SYNPO2: variants seen among roughly 807,000 people sequenced by gnomAD.
SYNPO2 encodes the protein synaptopodin-2.
A neutral mutation model predicts 85.0 loss-of-function variants in SYNPO2; 56 were observed. That is an observed-to-expected ratio of 0.66 (90% CI 0.53 to 0.82). SYNPO2 has a LOEUF of 0.82. SYNPO2 is among the 40% of genes least tolerant of loss of function. The probability of loss-of-function intolerance (pLI) is 0.00; values close to 1 mark genes in which losing one functional copy is unlikely to be tolerated. For missense variants in SYNPO2, 1,575 were observed against 1,534.2 expected, an observed-to-expected ratio of 1.03 and a Z score of -0.44; for synonymous variants, 602 against 591.1, an observed-to-expected ratio of 1.02 and a Z score of -0.27.
chr4:118,898,314 G>A (rs553592206), intron 1 of SYNPO2, among the ~76,000 whole-genome samples: 21 of 151,958 alleles, frequency 1.4e-4, no homozygotes, highest in Non-Finnish European at 2.2e-4. Context: ...CCACCACCTC[G>A]GCTCAGGTCC....
chr4:119,053,759 T>C (rs1739123906), intron 4 of SYNPO2, among the ~76,000 whole-genome samples: 1 of 152,200 alleles, frequency 6.6e-6, no homozygotes, highest in Non-Finnish European at 1.5e-5. Context: ...AAAAAATAAT[T>C]CCTCTCTTTC....
intron 1 of SYNPO2, among the ~76,000 whole-genome samples, chr4:118,929,707 G>T (rs933753804): frequency 1.3e-5 from 2 of 151,040 alleles, no homozygotes; most frequent in Admixed American, 6.6e-5. Flanking sequence ...GCTAATTATT[G>T]TGGAAAGTTC....
intron 1 of SYNPO2, among the ~76,000 whole-genome samples, chr4:119,004,688 C>T (rs1430302121): frequency 2.1e-5 from 3 of 143,480 alleles, no homozygotes; most frequent in South Asian, 2.5e-4. Flanking sequence ...AATAAACATA[C>T]ATGTGCATGT....
intron 1 of SYNPO2, among the ~76,000 whole-genome samples, chr4:119,021,128 T>A (rs527547554): frequency 6.6e-6 from 1 of 152,194 alleles, no homozygotes; most frequent in Non-Finnish European, 1.5e-5. Flanking sequence ...TTCTACAGAT[T>A]GTAATTTATG....
At chr4:118,901,726 T>C (rs547615845) in intron 1 of SYNPO2, among the ~76,000 whole-genome samples, 3 of 152,194 alleles carry the variant, frequency 2.0e-5, no homozygotes, top group Non-Finnish European at 4.4e-5. Flanking sequence ...AGAGAATGAA[T>C]TGACGAGAAA....
chr4:118,906,278 C>T (rs1351032593), intron 1 of SYNPO2, among the ~76,000 whole-genome samples: 5 of 151,876 alleles, frequency 3.3e-5, no homozygotes, highest in African/African-American at 9.7e-5. Flanking sequence ...ATATGTTGTA[C>T]ATGTGTGTGT....
intron 4 of SYNPO2, chr4:119,034,417 G>A: frequency 5.1e-6 from 5 of 983,954 alleles, no homozygotes; most frequent in Non-Finnish European, 6.0e-6. Context: ...TTTCCTGTTG[G>A]ACAGGTGGCA....
At chr4:118,972,508 T>G (rs1411206713) in intron 1 of SYNPO2, among the ~76,000 whole-genome samples, 1 of 152,170 alleles carries the variant, frequency 6.6e-6, no homozygotes, top group East Asian at 1.9e-4. Context: ...TTTCCCCAAA[T>G]AGGAAAATAA....
intron 1 of SYNPO2, among the ~76,000 whole-genome samples, chr4:118,994,675 G>A (rs17263022): frequency 0.37 from 56,437 of 151,998 alleles, 10,635 homozygotes; most frequent in African/African-American, 0.42. Context: ...TGCAATCCTA[G>A]TGACAGAGTA....
intron 2 of SYNPO2, among the ~76,000 whole-genome samples, chr4:119,024,556 T>C (rs1364690130): frequency 1.3e-5 from 2 of 152,210 alleles, no homozygotes; most frequent in Non-Finnish European, 2.9e-5. Context: ...AATCTAGCAT[T>C]ATTCTTATAA....
intron 1 of SYNPO2, among the ~76,000 whole-genome samples, chr4:118,999,565 C>T (rs1001694126): frequency 1.3e-5 from 2 of 152,158 alleles, no homozygotes; most frequent in Non-Finnish European, 2.9e-5. Context: ...CATACCACCG[C>T]ACCCAGCTAG....
At chr4:118,874,380 C>T (rs1307426917) in intron 1 of SYNPO2, among the ~76,000 whole-genome samples, 1 of 152,124 alleles carries the variant, frequency 6.6e-6, no homozygotes, top group Non-Finnish European at 1.5e-5. Flanking sequence ...AATCTAAAGA[C>T]TGTTGATTTT....
At chr4:118,960,849 T>C (rs1041865555) in intron 1 of SYNPO2, among the ~76,000 whole-genome samples, 3 of 152,144 alleles carry the variant, frequency 2.0e-5, no homozygotes, top group Non-Finnish European at 4.4e-5. Context: ...ACCCTCCGCC[T>C]AATTCCTAGA....
At chr4:118,911,860 CAT>C (rs1733150077) in intron 1 of SYNPO2, among the ~76,000 whole-genome samples, 2 of 152,094 alleles carry the variant, frequency 1.3e-5, no homozygotes, top group African/African-American at 4.8e-5. Context: ...ACAATGAACA[CAT>C]AGACTTATAC....
intron 1 of SYNPO2, among the ~76,000 whole-genome samples, chr4:118,959,928 T>A (rs1735015927): frequency 6.6e-6 from 1 of 152,188 alleles, no homozygotes; most frequent in Admixed American, 6.5e-5. Flanking sequence ...CCTTTGCAGA[T>A]GTAATTAATT....
At chr4:119,037,544 CA>C (rs1738569214) in intron 4 of SYNPO2, 5 of 993,084 alleles carry the variant, frequency 5.0e-6, no homozygotes, top group Non-Finnish European at 6.0e-6. Flanking sequence ...GGCCATGCAA[CA>C]ACCCAAAATC....
In SYNPO2 at chr4:119,029,914, C is replaced by T. The variant is rs987752485; in HGVS notation, c.1139C>T (p.Ala380Val). The T allele has an allele frequency of 5.0e-6, 8 of 1,612,186 alleles. No homozygotes were observed. The highest frequency in any genetic ancestry group is 2.2e-5 in the East Asian group (1 of 44,788). ...KEAKSKCKSI[A>V]LLLTDAPNPN... Reference sequence around the variant, plus strand: ...GCAAAATCTAAATGCAAAAGCATTGCCCTTCTTCTAACGGATGCTCCCAAC... The same window carrying T: ...GCAAAATCTAAATGCAAAAGCATTGTCCTTCTTCTAACGGATGCTCCCAAC... The change falls in exon 4 of 5, where the codon GCC (alanine) becomes GTC (valine). Residue 380 changes from alanine (A) to valine (V), a missense_variant. Coordinates refer to ENST00000307142, the MANE Select transcript of SYNPO2 (RefSeq NM_133477.3).
chr4:118,944,898 A>G (rs1349056034), intron 1 of SYNPO2, among the ~76,000 whole-genome samples: 1 of 152,170 alleles, frequency 6.6e-6, no homozygotes, highest in African/African-American at 2.4e-5. Context: ...GATAAGAGAG[A>G]GAATGGTGTG....
intron 1 of SYNPO2, among the ~76,000 whole-genome samples, chr4:118,967,566 C>T (rs1442657982): frequency 1.3e-5 from 2 of 152,224 alleles, no homozygotes; most frequent in African/African-American, 4.8e-5. Flanking sequence ...CTTTGGCCAA[C>T]TCAACTAAAA....
Sources: gnomAD v4.1 joint callset for allele counts (sites outside exome capture counted in the v4.1 genomes callset) on GRCh38, gnomAD v4.1.1 for gene constraint, MANE v1.5 for transcripts, NCBI Gene and HGNC (gene_info 2026-07-23, HGNC 2026-07-21) for gene names.